PLBD1: variants seen among roughly 807,000 people sequenced by gnomAD.
PLBD1 encodes the protein phospholipase B domain containing 1, also known as lysosomal leucine aminopeptidase.
In PLBD1, 60 loss-of-function variants were observed where a neutral mutation model predicts 63.0. That is an observed-to-expected ratio of 0.95 (90% CI 0.77 to 1.18). The LOEUF (loss-of-function observed/expected upper bound fraction) is 1.18, where lower values mean the gene tolerates loss of function less well. PLBD1 is among the 50% of genes most tolerant of loss of function. The pLI, the probability that PLBD1 is intolerant of heterozygous loss-of-function variation, is 0.00. For synonymous variants in PLBD1, 262 were observed against 248.0 expected, an observed-to-expected ratio of 1.06 and a Z score of -0.53; for missense variants, 598 against 677.9, an observed-to-expected ratio of 0.88 and a Z score of 1.31.
At chr12:14,540,106 T>TTTTATATATATATATATATATA (rs71448876) in intron 4 of PLBD1, among the ~76,000 whole-genome samples, 784 of 63,908 alleles carry the variant, frequency 0.012, 104 homozygotes, top group Admixed American at 0.028. Flanking sequence ...AATATAAATA[T>TTTTATATATATATATATATATA]TATTTATATA....
In PLBD1 at chr12:14,506,983, T is replaced by C; in HGVS notation, c.1322A>G (p.Gln441Arg). 6.2e-7 allele frequency: 1 copy of C among 1,614,156 alleles called. No homozygotes were observed. The highest frequency in any genetic ancestry group is 8.5e-7 in the Non-Finnish European group (1 of 1,180,002). The change falls in exon 9 of 11, where the codon CAA becomes CGA. Residue 441 changes from glutamine to arginine, a missense_variant. Physicochemically the swap from Gln to Arg is conservative, Grantham distance 43. Transcript: ENST00000240617. ...GGATGCCGTATCAGTCACTTTCCCT[T>C]GGTCACGCCGGAAAATTTTGGCTCG... ...APRAKIFRRD[Q>R]GKVTDTASMK...
At chr12:14,527,261 T>C (rs995267658) in intron 6 of PLBD1, among the ~76,000 whole-genome samples, 1 of 152,178 alleles carries the variant, frequency 6.6e-6, no homozygotes, top group African/African-American at 2.4e-5. Flanking sequence ...AGGGAAAATA[T>C]GAATATGCTA....
intron 6 of PLBD1, chr12:14,531,100 A>C (rs949331172): frequency 6.6e-6 from 1 of 152,232 alleles, no homozygotes; most frequent in Non-Finnish European, 1.5e-5. Flanking sequence ...TCATCAGTAC[A>C]TGTGAGATAT....
At chr12:14,540,418 T>C (rs534781985) in intron 4 of PLBD1, among the ~76,000 whole-genome samples, 1 of 151,994 alleles carries the variant, frequency 6.6e-6, no homozygotes, top group South Asian at 2.1e-4. Flanking sequence ...ACATAGAACT[T>C]GTATACTTAA....
Position 14,563,135 on chromosome 12 carries a change from A to C in PLBD1, c.115+4447T>G, listed in dbSNP as rs1473426292. On this transcript the variant is annotated intron_variant, in intron 1 of 10. Coordinates refer to ENST00000240617, the MANE Select transcript of PLBD1 (RefSeq NM_024829.6). ...GACCAGGAAACAAAGTTTAATAATGAAGATAAGTGGGCACTTCCTTCAGAC... is the reference window on the plus strand; with the variant it reads ...GACCAGGAAACAAAGTTTAATAATGCAGATAAGTGGGCACTTCCTTCAGAC... Among the ~76,000 whole-genome samples, 4 of 152,192 alleles carry C rather than the reference A, an allele frequency of 2.6e-5. No individual in the cohort carries two copies. The East Asian group carries it at 7.7e-4, about 29-fold the overall frequency.
At chr12:14,529,998 T>C (rs922733099) in intron 6 of PLBD1, among the ~76,000 whole-genome samples, 2 of 152,246 alleles carry the variant, frequency 1.3e-5, no homozygotes, top group Admixed American at 6.5e-5. Context: ...AGGTGGATTC[T>C]AATCGCCTTT....
intron 10 of PLBD1, 69 bp downstream of exon 10, chr12:14,506,093 G>T (rs1277003677): frequency 7.6e-6 from 8 of 1,054,432 alleles, no homozygotes; most frequent in Non-Finnish European, 9.7e-6. Context: ...ATAAAAACCT[G>T]TGCAACTTTG....
intron 6 of PLBD1, among the ~76,000 whole-genome samples, chr12:14,532,071 T>C (rs924840828): frequency 6.6e-6 from 1 of 152,302 alleles, no homozygotes; most frequent in African/African-American, 2.4e-5. Context: ...AAATCTCTTT[T>C]CATGCTGAAC....
chr12:14,562,262 C>T (rs768350505), intron 1 of PLBD1, among the ~76,000 whole-genome samples: 6 of 151,924 alleles, frequency 3.9e-5, no homozygotes, highest in Non-Finnish European at 8.8e-5. Flanking sequence ...GTTTGAGACC[C>T]ACCTGCCCAA....
At chr12:14,536,492 G>A in intron 5 of PLBD1, 78 bp downstream of exon 5, 2 of 1,479,572 alleles carry the variant, frequency 1.4e-6, no homozygotes, top group African/African-American at 1.4e-5. Context: ...GGGGTGATGA[G>A]ATGTTGCTAT....
intron 6 of PLBD1, among the ~76,000 whole-genome samples, chr12:14,521,276 G>T (rs1455309513): frequency 6.6e-6 from 1 of 152,132 alleles, no homozygotes; most frequent in African/African-American, 2.4e-5. Flanking sequence ...CCAAGGAACA[G>T]ATGATCCTAC....
chr12:14,520,009 C>T (rs556071064), intron 6 of PLBD1, among the ~76,000 whole-genome samples: 2 of 152,302 alleles, frequency 1.3e-5, no homozygotes, highest in Admixed American at 1.3e-4. Context: ...TGAACTGTGT[C>T]CTGTTCCCTG....
At chr12:14,534,640 T>C (rs1945497240) in intron 6 of PLBD1, among the ~76,000 whole-genome samples, 1 of 151,036 alleles carries the variant, frequency 6.6e-6, no homozygotes, top group Non-Finnish European at 1.5e-5. Context: ...GCCTCCCGGG[T>C]TCACGCCATT....
At chr12:14,538,925 C>G (rs1945542632) in intron 4 of PLBD1, among the ~76,000 whole-genome samples, 1 of 152,108 alleles carries the variant, frequency 6.6e-6, no homozygotes, top group Admixed American at 6.6e-5. Context: ...ACTCAAGAGG[C>G]TGAGGCACGA....
chr12:14,537,492 C>T (rs890716436), intron 4 of PLBD1, among the ~76,000 whole-genome samples: 5 of 152,204 alleles, frequency 3.3e-5, no homozygotes, highest in Non-Finnish European at 5.9e-5. Flanking sequence ...TAGACAAGAA[C>T]CACTGCTATA....
chr12:14,542,090 A>G (rs968354356), intron 3 of PLBD1, 118 bp downstream of exon 3: 1 of 752,394 alleles, frequency 1.3e-6, no homozygotes, highest in Non-Finnish European at 2.2e-6. Context: ...TACAAGAATA[A>G]CTCTAGAGTC....
intron 6 of PLBD1, among the ~76,000 whole-genome samples, chr12:14,514,724 C>A (rs1278912732): frequency 1.3e-5 from 2 of 151,356 alleles, no homozygotes; most frequent in Non-Finnish European, 2.9e-5. Context: ...TGACTACATA[C>A]AATTATAATC....
chr12:14,532,398 C>T lies in PLBD1; in HGVS notation c.844+3261G>A, dbSNP rs192648768. On this transcript the variant is annotated intron_variant, in intron 6 of 10. Transcript: ENST00000240617. Reference sequence around the variant, plus strand: ...GGGGCCAGATGTGGAGCTCATAGGTCGAAGTTCGCTTTACCGTCCTCCCCT... The same window carrying T: ...GGGGCCAGATGTGGAGCTCATAGGTTGAAGTTCGCTTTACCGTCCTCCCCT... Among the ~76,000 whole-genome samples the T allele has an allele frequency of 3.9e-5, 6 of 152,286 alleles. No homozygotes were observed. The East Asian group carries it at 9.7e-4, about 25-fold the overall frequency.
Position 14,567,779 on chromosome 12 carries a change from G to T in PLBD1, c.-83C>A. On this transcript the variant is annotated 5_prime_UTR_variant, in exon 1 of 11. Transcript: ENST00000240617. ...GCAGAAGTTGCAAGAGAGGCTCCTGGCCTACTCAGGGGCGCCGCCTCTCCG... is the reference window on the plus strand; with the variant it reads ...GCAGAAGTTGCAAGAGAGGCTCCTGTCCTACTCAGGGGCGCCGCCTCTCCG... The T allele has an allele frequency of 4.4e-6, 6 of 1,363,728 alleles. No homozygotes were observed. Among genetic ancestry groups the T allele is most frequent in the Non-Finnish European group, 5.6e-6 (6 of 1,066,822 alleles). The allele number at this position is 1,363,728 out of a possible 1,614,324, so 84.5% of individuals were successfully genotyped here. A position where few individuals can be genotyped will look rare whatever the true frequency, so the allele number is the denominator to read the frequency against.
Sources: gnomAD v4.1 joint callset for allele counts (sites outside exome capture counted in the v4.1 genomes callset) on GRCh38, gnomAD v4.1.1 for gene constraint, MANE v1.5 for transcripts, NCBI Gene and HGNC (gene_info 2026-07-23, HGNC 2026-07-21) for gene names.